Variants in ITSN1 observed in about 807,000 individuals in gnomAD.
The protein encoded by ITSN1 is intersectin-1.
ITSN1 carries 58 observed loss-of-function variants against 239.8 expected under a neutral mutation model. That is an observed-to-expected ratio of 0.24 (90% CI 0.20 to 0.30). The LOEUF (loss-of-function observed/expected upper bound fraction) is 0.30. Ranked by LOEUF, ITSN1 falls within the 10% of genes least tolerant of loss-of-function variation. The probability of loss-of-function intolerance (pLI) is 1.00; values close to 1 mark genes in which losing one functional copy is unlikely to be tolerated. For synonymous variants in ITSN1, 780 were observed against 770.8 expected (o/e 1.01, Z -0.20); for missense variants, 1,558 against 2,103.3 (o/e 0.74, Z 5.07).
At chr21:33,725,871 A>C (rs191907877) in intron 4 of ITSN1, among the ~76,000 whole-genome samples, 1 of 152,368 alleles carries the variant, frequency 6.6e-6, no homozygotes. Context: ...AGATGATGGA[A>C]TAATGCAGTG....
At chr21:33,695,107 G>A (rs868610581) in intron 1 of ITSN1, among the ~76,000 whole-genome samples, 95 of 152,300 alleles carry the variant, frequency 6.2e-4, no homozygotes, top group African/African-American at 2.2e-3. Context: ...GAGCCACCGT[G>A]CCCGGCCACT....
intron 31 of ITSN1, among the ~76,000 whole-genome samples, chr21:33,859,004 G>T (rs1006100674): frequency 2.6e-5 from 4 of 152,070 alleles, no homozygotes; most frequent in Admixed American, 6.5e-5. Flanking sequence ...GCAAGAGTAG[G>T]TTTCCTGGGC....
intron 29 of ITSN1, among the ~76,000 whole-genome samples, chr21:33,849,825 C>G (rs1326268581): frequency 2.0e-5 from 3 of 152,080 alleles, no homozygotes; most frequent in Admixed American, 6.5e-5. Context: ...AAAACAAAAA[C>G]CAACAGGCTC....
At chr21:33,768,294 T>A (rs955088272) in intron 11 of ITSN1, among the ~76,000 whole-genome samples, 1 of 152,156 alleles carries the variant, frequency 6.6e-6, no homozygotes, top group African/African-American at 2.4e-5. Flanking sequence ...ATTTATTTTG[T>A]TTTTTGAGAT....
At chr21:33,752,717 C>T (rs554439574) in intron 7 of ITSN1, among the ~76,000 whole-genome samples, 305 of 151,018 alleles carry the variant, frequency 2.0e-3, no homozygotes, top group Non-Finnish European at 2.9e-4. Flanking sequence ...GAGACCTTGT[C>T]GATACAAAAA....
In ITSN1 at chr21:33,667,098, A is replaced by G. The variant is rs185883869; in HGVS notation, c.-33+24385A>G. ...GCCTCCCAAATTCTGAGATTACAGA[A>G]TTTGTAAGCATAAGCCACCACACCC... On this transcript the variant is annotated intron_variant, in intron 1 of 39. Transcript: ENST00000381318. 1.7e-4 allele frequency among the ~76,000 whole-genome samples: 26 copies of G among 149,784 alleles called. 1 individual carries two copies. Among genetic ancestry groups the G allele is most frequent in the Admixed American group, 1.7e-3 (26 of 15,034 alleles).
At chr21:33,689,568 G>A (rs543807788) in intron 1 of ITSN1, among the ~76,000 whole-genome samples, 9 of 152,224 alleles carry the variant, frequency 5.9e-5, no homozygotes, top group Middle Eastern at 6.8e-3. Context: ...CCTAGCTACC[G>A]TAGAGGCTAA....
chr21:33,775,496 A>G (rs962349754), intron 14 of ITSN1, among the ~76,000 whole-genome samples: 17 of 152,206 alleles, frequency 1.1e-4, no homozygotes, highest in African/African-American at 4.1e-4. Context: ...GGGATAGGAA[A>G]TGTTGTGATT....
intron 5 of ITSN1, among the ~76,000 whole-genome samples, chr21:33,747,748 G>T (rs1216181018): frequency 1.3e-5 from 2 of 152,196 alleles, no homozygotes; most frequent in African/African-American, 4.8e-5. Flanking sequence ...ATTTAAAAAT[G>T]AAGGTGAAAT....
Position 33,774,950 on chromosome 21 carries a change from A to G in ITSN1, c.1456-18A>G. 2 of 1,604,654 alleles carry G rather than the reference A, an allele frequency of 1.2e-6. No homozygotes were observed. The highest frequency in any genetic ancestry group is 1.7e-6 in the Non-Finnish European group (2 of 1,176,012). ...ATTAAAAACAGTAATAATTTTTATT[A>G]TCTTTCATTTGTTCAAGAATGATAA... is the stretch of plus-strand genomic sequence containing the variant. On this transcript the variant is annotated intron_variant, in intron 13 of 39. Coordinates refer to ENST00000381318, the MANE Select transcript of ITSN1 (RefSeq NM_003024.3).
intron 29 of ITSN1, among the ~76,000 whole-genome samples, chr21:33,855,461 A>C (rs1979145972): frequency 6.6e-6 from 1 of 152,234 alleles, no homozygotes; most frequent in African/African-American, 2.4e-5. Context: ...GGACTCTCCC[A>C]CCTACATTCG....
chr21:33,865,144 C>T lies in ITSN1; in HGVS notation c.3891-7C>T, dbSNP rs753965045. 3.1e-6 allele frequency: 5 copies of T among 1,608,488 alleles called. No homozygotes were observed. The highest frequency in any genetic ancestry group is 2.2e-5 in the East Asian group (1 of 44,756). ...GCAGGGGGCTCACCTCCCGTGTTTC[C>T]GTGCAGAGCGCTGAGAGTCCGCAAG... On this transcript the variant is annotated splice_region_variant and splice_polypyrimidine_tract_variant and intron_variant, in intron 31 of 39. Coordinates refer to ENST00000381318, the MANE Select transcript of ITSN1 (RefSeq NM_003024.3). The surrounding 1 kb of genome is among the most constrained non-coding windows in gnomAD (Gnocchi z 4.4).
chr21:33,829,308 G>A, intron 26 of ITSN1: 2 of 359,864 alleles, frequency 5.6e-6, no homozygotes, highest in Admixed American at 8.2e-5. Context: ...ATTATGGGAG[G>A]GGTGTGACAG....
chr21:33,828,539 C>T (rs1370352568), intron 26 of ITSN1, among the ~76,000 whole-genome samples: 2 of 152,238 alleles, frequency 1.3e-5, no homozygotes, highest in African/African-American at 2.4e-5. Context: ...TACTTGTTCC[C>T]TGGAGTGAGT....
chr21:33,844,090 T>C (rs1266688052), intron 29 of ITSN1, among the ~76,000 whole-genome samples: 2 of 152,348 alleles, frequency 1.3e-5, no homozygotes, highest in East Asian at 3.9e-4. Flanking sequence ...CCTAAAAACT[T>C]TGAGCTATCT....
chr21:33,716,090 G>C lies in ITSN1; in HGVS notation c.-32-2707G>C, dbSNP rs1397325687. Among the ~76,000 whole-genome samples the C allele has an allele frequency of 2.6e-5, 4 of 152,272 alleles. No homozygotes were observed. In the East Asian group the frequency reaches 7.7e-4, roughly 29 times the overall value. ...GAAAGATACCACCTAAGTACCTGCA[G>C]AGGTCAGTTATGGAGATAACAGCAT... is the stretch of plus-strand genomic sequence containing the variant. On this transcript the variant is annotated intron_variant, in intron 1 of 39. Transcript: ENST00000381318.
intron 4 of ITSN1, among the ~76,000 whole-genome samples, chr21:33,724,140 C>T (rs75218141): frequency 0.013 from 1,927 of 151,842 alleles, 23 homozygotes; most frequent in Non-Finnish European, 0.021. Context: ...TGAATTGAAA[C>T]GAAATGATAC....
intron 29 of ITSN1, chr21:33,837,880 C>T (rs1048672): frequency 0.1 from 101,234 of 985,572 alleles, 7,974 homozygotes; most frequent in African/African-American, 0.39. Context: ...GACAACACCA[C>T]TGAGGTCGTT....
intron 1 of ITSN1, among the ~76,000 whole-genome samples, chr21:33,709,392 C>A (rs1198871777): frequency 6.6e-6 from 1 of 152,044 alleles, no homozygotes; most frequent in South Asian, 2.1e-4. Context: ...CCAGGCTGGG[C>A]CTCCCGGGTT....
Sources: allele counts gnomAD v4.1 joint callset (sites outside exome capture counted in the v4.1 genomes callset), GRCh38; gene constraint gnomAD v4.1.1; non-coding constraint Gnocchi (gnomAD v3.1); transcripts MANE v1.5; gene names NCBI Gene and HGNC (gene_info 2026-07-23, HGNC 2026-07-21).